SH3BP1: variants seen among roughly 807,000 people sequenced by gnomAD.
The protein encoded by SH3BP1 is SH3 domain-binding protein 1.
Under a neutral mutation model 69.8 loss-of-function variants are expected in SH3BP1, and 46 were observed. That is an observed-to-expected ratio of 0.66 (90% confidence interval 0.52 to 0.84). SH3BP1 has a LOEUF of 0.84. SH3BP1 is among the 40% of genes least tolerant of loss of function. The probability of loss-of-function intolerance (pLI) is 0.00; values close to 1 mark genes in which losing one functional copy is unlikely to be tolerated. For synonymous variants in SH3BP1, 403 were observed against 378.0 expected (o/e 1.07, Z -0.77); for missense variants, 868 against 930.9 (o/e 0.93, Z 0.88).
Position 37,639,689 on chromosome 22 carries a change from C to A in SH3BP1, c.-99C>A. The stretch of plus-strand genomic sequence containing the variant: ...GAAGCGAGAGCGCCGCCCACCCATC[C>A]GGGGCAAGAGCCGCGCCGCAGGAGA... On this transcript the variant is annotated 5_prime_UTR_variant, in exon 1 of 18. Coordinates refer to ENST00000649765, the MANE Select transcript of SH3BP1 (RefSeq NM_018957.6). 1 of 713,446 alleles carries A rather than the reference C, an allele frequency of 1.4e-6. No homozygotes were observed. Among genetic ancestry groups the A allele is most frequent in the South Asian group, 2.4e-5 (1 of 42,546 alleles). 44.2% of individuals were successfully genotyped at this position (713,446 alleles called of 1,614,324 possible). A position where few individuals can be genotyped will look rare whatever the true frequency, so the allele number is the denominator to read the frequency against.
Position 37,642,941 on chromosome 22 carries a change from A to T in SH3BP1, c.331A>T (p.Ile111Phe). Residue 111 changes from isoleucine to phenylalanine, a missense_variant, in exon 5 of 18, where the codon ATC (isoleucine) becomes TTC (phenylalanine). Transcript: ENST00000649765. ...TGCCATCCAGAATCAGCTGGCCCGCATCCTGGCCGAGTTTGAGATGACCCT... is the reference window on the plus strand; with the variant it reads ...TGCCATCCAGAATCAGCTGGCCCGCTTCCTGGCCGAGTTTGAGATGACCCT... ...SCAIQNQLAR[I>F]LAEFEMTLER... 1 of 1,612,852 alleles carries T rather than the reference A, an allele frequency of 6.2e-7. No individual in the cohort carries two copies. Among genetic ancestry groups the T allele is most frequent in the East Asian group, 2.2e-5 (1 of 44,880 alleles).
intron 11 of SH3BP1, 98 bp from the exon 12 acceptor site, chr22:37,647,169 G>T: frequency 1.9e-6 from 2 of 1,077,028 alleles, no homozygotes; most frequent in Non-Finnish European, 1.4e-6. Flanking sequence ...GTCAGACCTA[G>T]ACACGTTAGT....
Position 37,641,111 on chromosome 22 carries a change from C to CCCCCA in SH3BP1, c.60-15_60-14insCCCCA. The CCCCCA allele has an allele frequency of 3.7e-6, 5 of 1,359,256 alleles. No individual in the cohort carries two copies. The highest frequency in any genetic ancestry group is 5.0e-6 in the Non-Finnish European group (5 of 995,964). 84.2% of individuals were successfully genotyped at this position (1,359,256 alleles called of 1,614,324 possible). A position where few individuals can be genotyped will look rare whatever the true frequency, so the allele number is the denominator to read the frequency against. ...GCAGAAGCACTCTCCCCCCCCCCCC[C>CCCCCA]ACCACTCCCCGCAGCACCCCGGAGA... On this transcript the variant is annotated splice_polypyrimidine_tract_variant and intron_variant, in intron 1 of 17. Coordinates refer to ENST00000649765, the MANE Select transcript of SH3BP1 (RefSeq NM_018957.6).
intron 1 of SH3BP1, chr22:37,640,496 C>G (rs1932545914): frequency 6.5e-6 from 1 of 152,910 alleles, no homozygotes; most frequent in Non-Finnish European, 1.5e-5. Context: ...GTCTTCTCTG[C>G]TCCTCTTCCC....
At position 37,650,667 on chromosome 22, in the gene SH3BP1, G is replaced by A; in HGVS notation, c.1540G>A (p.Ala514Thr). 1 of 1,613,862 alleles carries A rather than the reference G, an allele frequency of 6.2e-7. No individual in the cohort carries two copies. Among genetic ancestry groups the A allele is most frequent in the Non-Finnish European group, 8.5e-7 (1 of 1,179,988 alleles). The change falls in exon 16 of 18, where the codon GCT becomes ACT. Residue 514 changes from alanine (A) to threonine (T), a missense_variant. This residue lies in a region of SH3BP1 where 474 missense variants were observed against 462.3 expected (regional missense o/e 1.03). Transcript: ENST00000649765. ...CACCCCAGCCACCACCCCGGCTCCG[G>A]CTCCGGCTCCAGCTCCAGCTCCGGC... ...VPTPATTPAP[A>T]PAPAPAPAPA...
chr22:37,640,643 C>T (rs77908166), intron 1 of SH3BP1: 2,972 of 173,994 alleles, frequency 0.017, 101 homozygotes, highest in African/African-American at 0.068. Flanking sequence ...CTTGGCATCC[C>T]CCATGTGTCC....
chr22:37,648,675 G>A (rs1014458018), intron 14 of SH3BP1: 13 of 460,924 alleles, frequency 2.8e-5, no homozygotes, highest in Non-Finnish European at 5.0e-5. Context: ...TGGCATGGGG[G>A]AGCTGGGAGC....
chr22:37,642,670 C>T (rs776870200), intron 4 of SH3BP1, 55 bp downstream of exon 4: 2 of 1,611,912 alleles, frequency 1.2e-6, no homozygotes, highest in Non-Finnish European at 1.7e-6. Context: ...GTGATCTCAG[C>T]TGGGAGGGGG....
rs1466340208 is a variant in SH3BP1, at chr22:37,644,716, G to A, written c.687+11G>A. 6.2e-7 allele frequency: 1 copy of A among 1,614,154 alleles called. No homozygotes were observed. Among genetic ancestry groups the A allele is most frequent in the Non-Finnish European group, 8.5e-7 (1 of 1,179,988 alleles). On this transcript the variant is annotated intron_variant, in intron 8 of 17. Transcript: ENST00000649765. ...AACTACTTCATTCGTGTGAGTCCAA[G>A]ACCGGGCCCCAGCCATCCAGAGTTC...
chr22:37,644,411 C>A (rs1029271994), intron 7 of SH3BP1, among the ~76,000 whole-genome samples: 1 of 152,168 alleles, frequency 6.6e-6, no homozygotes, highest in Non-Finnish European at 1.5e-5. Flanking sequence ...AGGCACTGTG[C>A]TAAGTCTATG....
chr22:37,644,950 C>T lies in SH3BP1; in HGVS notation c.768C>T (p.His256=), dbSNP rs146007366. The change falls in exon 9 of 18, where the codon CAC becomes CAT. Residue 256 remains histidine, a synonymous_variant. Coordinates refer to ENST00000649765, the MANE Select transcript of SH3BP1 (RefSeq NM_018957.6). ...DTALAELREN[H]GQADHSPSMT... Reference sequence around the variant, plus strand: ...CCCTGGCTGAGCTGAGGGAGAACCACGGCCAAGCAGGTGGGGACATAGGCC... The same window carrying T: ...CCCTGGCTGAGCTGAGGGAGAACCATGGCCAAGCAGGTGGGGACATAGGCC... 1.0e-4 allele frequency: 165 copies of T among 1,613,834 alleles called. No individual in the cohort carries two copies. The highest frequency in any genetic ancestry group is 1.2e-4 in the Non-Finnish European group (143 of 1,179,974).
Position 37,643,021 on chromosome 22 carries a change from T to C in SH3BP1, c.396+15T>C. The C allele has an allele frequency of 6.2e-7, 1 of 1,611,200 alleles. No individual in the cohort carries two copies. The highest frequency in any genetic ancestry group is 1.1e-5 in the South Asian group (1 of 91,026). ...GGCTGAGTGAGGTGAGCCTGTGCCC[T>C]GCTTTCAGCCCCCAGCTTCCCCAGC... is the stretch of plus-strand genomic sequence containing the variant. On this transcript the variant is annotated intron_variant, in intron 5 of 17. Transcript: ENST00000649765.
chr22:37,653,774 T>C lies in SH3BP1; in HGVS notation c.1599-5T>C. On this transcript the variant is annotated splice_polypyrimidine_tract_variant and splice_region_variant and intron_variant, in intron 16 of 17. Transcript: ENST00000649765. ...GTCTGCCCCATCCTCTCCTTCCCTC[T>C]GCAGGACAGAGTCTGAGGTGCCTCC... The C allele has an allele frequency of 6.2e-7, 1 of 1,609,528 alleles. No homozygotes were observed. Among genetic ancestry groups the C allele is most frequent in the Non-Finnish European group, 8.5e-7 (1 of 1,176,400 alleles).
intron 4 of SH3BP1, 47 bp downstream of exon 4, chr22:37,642,662 G>A (rs1932643703): frequency 6.2e-7 from 1 of 1,612,258 alleles, no homozygotes; most frequent in Non-Finnish European, 8.5e-7. Flanking sequence ...ACCAAGACGT[G>A]ATCTCAGCTG....
chr22:37,647,070 C>A, intron 11 of SH3BP1, 141 bp downstream of exon 11: 1 of 730,250 alleles, frequency 1.4e-6, no homozygotes, highest in Non-Finnish European at 2.2e-6. Context: ...TGGGGTCCAT[C>A]ATGAGCCCCC....
chr22:37,653,269 A>G (rs889472331), intron 16 of SH3BP1, among the ~76,000 whole-genome samples: 2 of 151,902 alleles, frequency 1.3e-5, no homozygotes, highest in Non-Finnish European at 2.9e-5. Flanking sequence ...TCTCTACTAC[A>G]AAAAAACAAC....
At chr22:37,655,034 G>T (rs1032936387) in intron 17 of SH3BP1, among the ~76,000 whole-genome samples, 3 of 151,812 alleles carry the variant, frequency 2.0e-5, no homozygotes, top group Non-Finnish European at 4.4e-5. Context: ...TCTGGAAAAT[G>T]TGACGGAGCA....
chr22:37,641,250 T>C (rs1330016931), intron 2 of SH3BP1, 82 bp downstream of exon 2: 2 of 1,514,788 alleles, frequency 1.3e-6, no homozygotes, highest in African/African-American at 1.4e-5. Flanking sequence ...GGACGCCAGG[T>C]AGGGGCCTGG....
chr22:37,653,936 C>G, intron 17 of SH3BP1, 63 bp downstream of exon 17: 1 of 1,172,286 alleles, frequency 8.5e-7, no homozygotes, highest in South Asian at 1.4e-5. Flanking sequence ...GACAGGCAGT[C>G]CCAGGTCCTC....
Sources: gnomAD v4.1 joint callset for allele counts (sites outside exome capture counted in the v4.1 genomes callset) on GRCh38, gnomAD v4.1.1 for gene constraint, gnomAD v4.1.1 regional missense constraint, MANE v1.5 for transcripts, NCBI Gene and HGNC (gene_info 2026-07-23, HGNC 2026-07-21) for gene names.